The following CLIC4 variants were observed in gnomAD, a reference collection of about 807,000 sequenced individuals.
CLIC4 encodes CLIC family member 4, also known as chloride intracellular channel protein 4.
Under a neutral mutation model 24.6 loss-of-function variants are expected in CLIC4, and 13 were observed. The ratio of observed to expected loss-of-function variants is 0.53; its 90% CI spans 0.34 to 0.84. The LOEUF (loss-of-function observed/expected upper bound fraction) is 0.84, where lower values mean the gene tolerates loss of function less well. Among genes scored for constraint, CLIC4 ranks in the 40% least tolerant of loss-of-function variants. The pLI is 0.01. For synonymous variants in CLIC4, 104 were observed against 111.3 expected, an observed-to-expected ratio of 0.93 and a Z score of 0.41; for missense variants, 227 against 301.7, an observed-to-expected ratio of 0.75 and a Z score of 1.83.
In CLIC4 at chr1:24,840,966, T is replaced by C. The variant is rs1328480867; in HGVS notation, c.*29T>C. 1.3e-6 allele frequency: 2 copies of C among 1,569,986 alleles called. No individual in the cohort carries two copies. Among genetic ancestry groups the C allele is most frequent in the Non-Finnish European group, 1.7e-6 (2 of 1,157,454 alleles). ...CGCGTTTGTAAAAGAGATGTCTTCATGTCTTCCCCTAAGAATACGCTTTTC... is the reference window on the plus strand; with the variant it reads ...CGCGTTTGTAAAAGAGATGTCTTCACGTCTTCCCCTAAGAATACGCTTTTC... On this transcript the variant is annotated 3_prime_UTR_variant, in exon 6 of 6. Transcript: ENST00000374379.
At chr1:24,751,837 C>A (rs10794662) in intron 1 of CLIC4, among the ~76,000 whole-genome samples, 89,107 of 152,036 alleles carry the variant, frequency 0.59, 28,332 homozygotes, top group Non-Finnish European at 0.71. Context: ...GCACTCCAGC[C>A]TGAGGGACAA....
At chr1:24,839,441 A>G in intron 4 of CLIC4, among the ~76,000 whole-genome samples, 1 of 152,108 alleles carries the variant, frequency 6.6e-6, no homozygotes, top group Non-Finnish European at 1.5e-5. Flanking sequence ...CTGGGACTAC[A>G]GGCGCCCGCC....
intron 1 of CLIC4, among the ~76,000 whole-genome samples, chr1:24,760,104 G>A (rs771724949): frequency 6.6e-6 from 1 of 152,164 alleles, no homozygotes; most frequent in Non-Finnish European, 1.5e-5. Flanking sequence ...GGTGGTTCAT[G>A]CCTGTAATCC....
intron 1 of CLIC4, among the ~76,000 whole-genome samples, chr1:24,779,311 A>G (rs1178387780): frequency 6.6e-6 from 1 of 152,046 alleles, no homozygotes; most frequent in Non-Finnish European, 1.5e-5. Context: ...TTCTACAAAA[A>G]ATACAAAAAT....
intron 3 of CLIC4, among the ~76,000 whole-genome samples, chr1:24,821,315 A>T (rs1028210726): frequency 6.6e-6 from 1 of 152,212 alleles, no homozygotes; most frequent in Admixed American, 6.5e-5. Flanking sequence ...AATGCTCTGT[A>T]AGACATCATA....
rs368856897 is a variant in CLIC4, at chr1:24,752,787, A to G, written c.72+7162A>G. Among the ~76,000 whole-genome samples, 23 of 152,252 alleles carry G rather than the reference A, an allele frequency of 1.5e-4. No homozygotes were observed. The East Asian group carries it at 2.5e-3, about 17-fold the overall frequency. On this transcript the variant is annotated intron_variant, in intron 1 of 5. Coordinates refer to ENST00000374379, the MANE Select transcript of CLIC4 (RefSeq NM_013943.3). ...CGCCAGACTGGAATGCAGTGGTGCA[A>G]TCTTGGCTCACTGCAACCTCTGCTT...
At chr1:24,769,788 G>C (rs1410985701) in intron 1 of CLIC4, among the ~76,000 whole-genome samples, 1 of 151,974 alleles carries the variant, frequency 6.6e-6, no homozygotes, top group Non-Finnish European at 1.5e-5. Flanking sequence ...CATTTTGGGG[G>C]CCTGGTTAAT....
chr1:24,768,454 T>C (rs1639031122), intron 1 of CLIC4, among the ~76,000 whole-genome samples: 1 of 152,150 alleles, frequency 6.6e-6, no homozygotes, highest in South Asian at 2.1e-4. Context: ...GCTCTTTTTA[T>C]TTAATTTGTC....
chr1:24,827,148 A>G (rs1639794267), intron 4 of CLIC4, 32 bp downstream of exon 4: 1 of 1,380,794 alleles, frequency 7.2e-7, no homozygotes, highest in Non-Finnish European at 1.0e-6. Flanking sequence ...TAACATTGCA[A>G]CAAAAAACCC....
chr1:24,807,642 C>T (rs1004461588), intron 2 of CLIC4, among the ~76,000 whole-genome samples: 1 of 151,900 alleles, frequency 6.6e-6, no homozygotes, highest in African/African-American at 2.4e-5. Context: ...AGCAGGTAAT[C>T]GAAAATGGTC....
intron 2 of CLIC4, among the ~76,000 whole-genome samples, chr1:24,806,629 C>T (rs1265090194): frequency 6.6e-6 from 1 of 152,056 alleles, no homozygotes; most frequent in African/African-American, 2.4e-5. Context: ...GTATATATGA[C>T]TCTAAATTAA....
intron 3 of CLIC4, among the ~76,000 whole-genome samples, chr1:24,820,495 C>T (rs1453427229): frequency 3.3e-5 from 5 of 151,372 alleles, no homozygotes; most frequent in Non-Finnish European, 5.9e-5. Context: ...AACTCATGGA[C>T]ACAATCAGTC....
chr1:24,814,875 A>G (rs1477103136), intron 3 of CLIC4, among the ~76,000 whole-genome samples: 3 of 152,198 alleles, frequency 2.0e-5, no homozygotes, highest in African/African-American at 7.2e-5. Flanking sequence ...GAAAATTGAC[A>G]TGTTTTGTTT....
intron 1 of CLIC4, among the ~76,000 whole-genome samples, chr1:24,750,563 C>T (rs527885444): frequency 1.2e-4 from 18 of 151,860 alleles, no homozygotes; most frequent in Non-Finnish European, 1.8e-4. Flanking sequence ...CAAGGTTTCT[C>T]CATGTTGGTC....
intron 3 of CLIC4, among the ~76,000 whole-genome samples, chr1:24,823,920 G>C (rs1236909033): frequency 4.6e-5 from 7 of 152,158 alleles, no homozygotes; most frequent in Admixed American, 4.6e-4. Flanking sequence ...AATGTTAAGA[G>C]TCTGTGATGT....
intron 1 of CLIC4, among the ~76,000 whole-genome samples, chr1:24,759,471 CTT>C (rs932807955): frequency 5.6e-5 from 8 of 143,034 alleles, no homozygotes; most frequent in Admixed American, 7.0e-5. Context: ...CAATACGTGA[CTT>C]TTTTTTTTTT....
At chr1:24,826,901 A>G in intron 3 of CLIC4, 109 bp from the exon 4 acceptor site, 1 of 659,416 alleles carries the variant, frequency 1.5e-6, no homozygotes, top group Admixed American at 2.9e-5. Flanking sequence ...TATTTCTTAT[A>G]GTAATAACTA....
Position 24,836,792 on chromosome 1 carries a change from C to G in CLIC4, c.416-3068C>G, listed in dbSNP as rs144306856. ...GTTCGAGGTTGCAGTGAGCCGAGAT[C>G]GTGCCATTGCACCCCAGCCTGGGTG... On this transcript the variant is annotated intron_variant, in intron 4 of 5. Transcript: ENST00000374379. Among the ~76,000 whole-genome samples the G allele has an allele frequency of 3.0e-4, 45 of 152,244 alleles. No homozygotes were observed. In the South Asian group the frequency reaches 6.8e-3, roughly 23 times the overall value.
intron 1 of CLIC4, among the ~76,000 whole-genome samples, chr1:24,764,596 G>A (rs1043601442): frequency 6.6e-6 from 1 of 151,848 alleles, no homozygotes; most frequent in African/African-American, 2.4e-5. Flanking sequence ...GAAGTTTGCA[G>A]TGAGCCAAGA....
Sources: gnomAD v4.1 joint callset for allele counts (sites outside exome capture counted in the v4.1 genomes callset) on GRCh38, gnomAD v4.1.1 for gene constraint, MANE v1.5 for transcripts, NCBI Gene and HGNC (gene_info 2026-07-23, HGNC 2026-07-21) for gene names.